The following KATNIP variants were observed in gnomAD, a reference collection of about 807,000 sequenced individuals.
KATNIP encodes the protein katanin interacting protein, also known as katanin-interacting protein.
Under a neutral mutation model 174.0 loss-of-function variants are expected in KATNIP, and 126 were observed. The observed-to-expected ratio is 0.72, with a 90% CI of 0.63 to 0.84. The LOEUF (loss-of-function observed/expected upper bound fraction) is 0.84. Ranked by LOEUF, KATNIP falls within the 40% of genes least tolerant of loss-of-function variation. The probability of loss-of-function intolerance (pLI) is 0.00; values close to 1 mark genes in which losing one functional copy is unlikely to be tolerated. For synonymous variants in KATNIP, 810 were observed against 835.7 expected (o/e 0.97, Z 0.53); for missense variants, 1,958 against 2,109.7 (o/e 0.93, Z 1.41).
At chr16:27,554,506 G>T (rs1375538527) in intron 1 of KATNIP, among the ~76,000 whole-genome samples, 1 of 152,104 alleles carries the variant, frequency 6.6e-6, no homozygotes, top group Admixed American at 6.6e-5. Context: ...TTCAAATTAT[G>T]ATTAAAATAC....
chr16:27,606,086 T>C (rs1187461356), intron 2 of KATNIP, among the ~76,000 whole-genome samples: 2 of 152,002 alleles, frequency 1.3e-5, no homozygotes, highest in African/African-American at 4.8e-5. Flanking sequence ...ACTGAGATCG[T>C]GCCACTGCAC....
intron 14 of KATNIP, among the ~76,000 whole-genome samples, chr16:27,736,258 C>A (rs1252801417): frequency 6.6e-6 from 1 of 152,188 alleles, no homozygotes; most frequent in African/African-American, 2.4e-5. Context: ...CCACCTCGGC[C>A]TACCAAAGTG....
At chr16:27,657,170 C>T (rs536198964) in intron 6 of KATNIP, among the ~76,000 whole-genome samples, 1 of 151,984 alleles carries the variant, frequency 6.6e-6, no homozygotes, top group South Asian at 2.1e-4. Flanking sequence ...CTGAAGTGTG[C>T]AGGCATGAGG....
chr16:27,583,145 G>A (rs1211849010), intron 2 of KATNIP, among the ~76,000 whole-genome samples: 2 of 152,174 alleles, frequency 1.3e-5, no homozygotes, highest in African/African-American at 4.8e-5. Flanking sequence ...AAAATGCCAG[G>A]AAGGAGATTG....
chr16:27,555,431 C>T (rs1449238793), intron 1 of KATNIP, among the ~76,000 whole-genome samples: 4 of 152,190 alleles, frequency 2.6e-5, no homozygotes, highest in Non-Finnish European at 5.9e-5. Context: ...CTCTGCTGTA[C>T]ACTTTGACCT....
chr16:27,759,116 A>G (rs1336057244), intron 18 of KATNIP, among the ~76,000 whole-genome samples: 1 of 152,220 alleles, frequency 6.6e-6, no homozygotes, highest in African/African-American at 2.4e-5. Context: ...TTTTACTAAA[A>G]ACATTCATTG....
At chr16:27,771,512 G>A (rs1472164982) in intron 21 of KATNIP, 76 bp from the exon 22 acceptor site, 4 of 1,439,646 alleles carry the variant, frequency 2.8e-6, no homozygotes, top group Non-Finnish European at 3.9e-6. Flanking sequence ...TTCAAAGGCT[G>A]TTACCTAGGG....
chr16:27,640,932 T>A (rs1318436281), intron 5 of KATNIP, among the ~76,000 whole-genome samples: 1 of 151,968 alleles, frequency 6.6e-6, no homozygotes, highest in Non-Finnish European at 1.5e-5. Context: ...GGTCAGGAGT[T>A]CGATACCAGC....
Position 27,599,740 on chromosome 16 carries a change from C to T in KATNIP, c.64-18685C>T, listed in dbSNP as rs78614385. Among the ~76,000 whole-genome samples the T allele has an allele frequency of 7.3e-3, 1,105 of 152,296 alleles. 16 individuals are homozygous for T. The highest frequency in any genetic ancestry group is 0.025 in the African/African-American group (1,052 of 41,548). On this transcript the variant is annotated intron_variant, in intron 2 of 27. Transcript: ENST00000261588. ...CTTTCTTACTCCAACTTCCGCTGTC[C>T]GCTCCAGGAGCACCATGTGGCTTCC...
intron 2 of KATNIP, among the ~76,000 whole-genome samples, chr16:27,598,339 G>A (rs867321176): frequency 6.6e-6 from 1 of 151,972 alleles, no homozygotes; most frequent in Non-Finnish European, 1.5e-5. Flanking sequence ...TGAAAACAGA[G>A]CAGCACAAAT....
At chr16:27,604,217 G>C (rs1298670227) in intron 2 of KATNIP, among the ~76,000 whole-genome samples, 4 of 152,190 alleles carry the variant, frequency 2.6e-5, no homozygotes. Flanking sequence ...TCTCGCCTCA[G>C]CCTCCCAAGT....
At chr16:27,714,356 A>G (rs1330364298) in intron 13 of KATNIP, among the ~76,000 whole-genome samples, 1 of 152,126 alleles carries the variant, frequency 6.6e-6, no homozygotes, top group Non-Finnish European at 1.5e-5. Context: ...AAAATGTGCC[A>G]TATATATTTT....
chr16:27,628,462 A>G, intron 3 of KATNIP, 199 bp from the exon 4 acceptor site: 1 of 580,600 alleles, frequency 1.7e-6, no homozygotes, highest in Non-Finnish European at 3.0e-6. Context: ...AGGGCCCCAA[A>G]CTGTCTGCCC....
At chr16:27,583,249 A>G (rs751139495) in intron 2 of KATNIP, among the ~76,000 whole-genome samples, 2 of 152,218 alleles carry the variant, frequency 1.3e-5, no homozygotes, top group Non-Finnish European at 2.9e-5. Flanking sequence ...TTGTGACCAG[A>G]CAGAGATAAT....
chr16:27,566,717 C>T (rs896520214), intron 1 of KATNIP, among the ~76,000 whole-genome samples: 17 of 152,190 alleles, frequency 1.1e-4, no homozygotes, highest in African/African-American at 4.1e-4. Flanking sequence ...GTTGTGTGAC[C>T]ATGGGCAGTT....
intron 3 of KATNIP, 67 bp downstream of exon 3, chr16:27,618,568 C>T: frequency 8.5e-7 from 1 of 1,172,696 alleles, no homozygotes; most frequent in South Asian, 1.2e-5. Flanking sequence ...GATTTATTAA[C>T]AGCAGGCAGG....
In KATNIP at chr16:27,749,630, T is replaced by C. The variant is rs761179462; in HGVS notation, c.2670T>C (p.Ser890=). The part of the protein sequence containing the change: ...SRTPSRSRWR[S]EQEHTLHESW... ...CGCCGTCACGGTCAAGGTGGCGCAG[T>C]GAGCAGGAGCACACACTTCACGAGT... Residue 890 remains serine, a synonymous_variant, in exon 16 of 28, where the codon AGT becomes AGC. Coordinates refer to ENST00000261588, the MANE Select transcript of KATNIP (RefSeq NM_015202.5). 6.4e-7 allele frequency: 1 copy of C among 1,561,196 alleles called. No individual in the cohort carries two copies.
intron 1 of KATNIP, among the ~76,000 whole-genome samples, chr16:27,560,420 C>A (rs2089831950): frequency 1.3e-5 from 2 of 152,138 alleles, no homozygotes; most frequent in Non-Finnish European, 2.9e-5. Context: ...CAGTGGCCAC[C>A]CCCTTGACCT....
chr16:27,615,146 A>G (rs1045119334), intron 2 of KATNIP, among the ~76,000 whole-genome samples: 1 of 152,040 alleles, frequency 6.6e-6, no homozygotes, highest in Admixed American at 6.6e-5. Flanking sequence ...GACGTTTTTT[A>G]GAGACAGGGT....
Sources: gnomAD v4.1 joint callset for allele counts (sites outside exome capture counted in the v4.1 genomes callset) on GRCh38, gnomAD v4.1.1 for gene constraint, MANE v1.5 for transcripts, NCBI Gene and HGNC (gene_info 2026-07-23, HGNC 2026-07-21) for gene names.